PLCL1: variants seen among roughly 807,000 people sequenced by gnomAD.
PLCL1 encodes the protein phospholipase C like 1 (inactive).
Under a neutral mutation model 84.4 loss-of-function variants are expected in PLCL1, and 41 were observed. The ratio of observed to expected loss-of-function variants is 0.49; its 90% CI spans 0.38 to 0.63. The LOEUF (loss-of-function observed/expected upper bound fraction) is 0.63, where lower values mean the gene tolerates loss of function less well. Among genes scored for constraint, PLCL1 ranks in the 30% least tolerant of loss-of-function variants. The probability of loss-of-function intolerance (pLI) is 0.00; values close to 1 mark genes in which losing one functional copy is unlikely to be tolerated. For missense variants in PLCL1, 1,206 were observed against 1,367.8 expected (o/e 0.88, Z 1.87); for synonymous variants, 490 against 488.3 (o/e 1.00, Z -0.05).
intron 1 of PLCL1, among the ~76,000 whole-genome samples, chr2:197,936,237 A>G (rs1274817085): frequency 6.6e-6 from 1 of 151,528 alleles, no homozygotes; most frequent in African/African-American, 2.4e-5. Flanking sequence ...GAGTGCAGAT[A>G]TCTCTTCAGC....
Position 197,804,841 on chromosome 2 carries a change from T to C in PLCL1, c.-259T>C. 2.6e-6 allele frequency: 1 copy of C among 389,180 alleles called. No individual in the cohort carries two copies. Among genetic ancestry groups the C allele is most frequent in the Non-Finnish European group, 4.6e-6 (1 of 218,920 alleles). The allele number at this position is 389,180 out of a possible 1,614,324, so 24.1% of individuals were successfully genotyped here. A position where few individuals can be genotyped will look rare whatever the true frequency, so the allele number is the denominator to read the frequency against. The stretch of plus-strand genomic sequence containing the variant: ...CCTCTCCTTCTGCCTCCCGCTCACA[T>C]CGCCTCCCCACTCCCGCCACCGTCC... On this transcript the variant is annotated 5_prime_UTR_variant, in exon 1 of 6. Coordinates refer to ENST00000428675, the MANE Select transcript of PLCL1 (RefSeq NM_006226.4).
chr2:197,813,318 C>T (rs1055915256), intron 1 of PLCL1, among the ~76,000 whole-genome samples: 1 of 152,120 alleles, frequency 6.6e-6, no homozygotes, highest in Non-Finnish European at 1.5e-5. Context: ...CTTGAACTTG[C>T]AGTTTCTTAA....
At chr2:197,961,490 C>T (rs1689622447) in intron 1 of PLCL1, among the ~76,000 whole-genome samples, 1 of 151,616 alleles carries the variant, frequency 6.6e-6, no homozygotes, top group African/African-American at 2.4e-5. Context: ...ATTTATATAT[C>T]CCTTTTCCTT....
chr2:197,915,423 A>G (rs1000487048), intron 1 of PLCL1, among the ~76,000 whole-genome samples: 1 of 151,916 alleles, frequency 6.6e-6, no homozygotes, highest in Non-Finnish European at 1.5e-5. Context: ...AGTGTGAAAG[A>G]GAGGAAGAGT....
At chr2:197,897,160 TTC>T (rs1270525346) in intron 1 of PLCL1, among the ~76,000 whole-genome samples, 39 of 31,734 alleles carry the variant, frequency 1.2e-3, no homozygotes, top group African/African-American at 4.2e-3. Flanking sequence ...CTTCTTCTTC[TTC>T]TTCTTCTTCT....
At chr2:197,957,349 G>C (rs1327621035) in intron 1 of PLCL1, among the ~76,000 whole-genome samples, 5 of 152,066 alleles carry the variant, frequency 3.3e-5, no homozygotes, top group Admixed American at 3.3e-4. Flanking sequence ...CCTTTGGATA[G>C]TACCTTGCAG....
chr2:197,922,636 A>AG (rs1688727279), intron 1 of PLCL1, among the ~76,000 whole-genome samples: 1 of 135,770 alleles, frequency 7.4e-6, no homozygotes, highest in African/African-American at 2.8e-5. Flanking sequence ...CTGGCCGGGC[A>AG]GGGGGCTGAC....
intron 1 of PLCL1, among the ~76,000 whole-genome samples, chr2:198,012,855 A>G (rs1264311244): frequency 6.6e-6 from 1 of 151,986 alleles, no homozygotes; most frequent in African/African-American, 2.4e-5. Context: ...TACCTTACAT[A>G]TATTCTATAG....
chr2:198,062,111 C>G (rs1030306381), intron 1 of PLCL1, among the ~76,000 whole-genome samples: 2 of 152,174 alleles, frequency 1.3e-5, no homozygotes, highest in Non-Finnish European at 2.9e-5. Context: ...TGGTAAGATT[C>G]TGGAGCCTAA....
intron 3 of PLCL1, among the ~76,000 whole-genome samples, 200 bp from the exon 4 acceptor site, chr2:198,101,085 A>G (rs191189664): frequency 1.1e-3 from 173 of 152,224 alleles, no homozygotes; most frequent in Admixed American, 1.8e-3. Context: ...GAGAGTAATC[A>G]TAAGGAAGGT....
chr2:198,137,849 T>C (rs1006474585), intron 5 of PLCL1, among the ~76,000 whole-genome samples: 1 of 152,186 alleles, frequency 6.6e-6, no homozygotes, highest in African/African-American at 2.4e-5. Context: ...ATAGGTTCCG[T>C]AGGGGCAGGG....
chr2:198,141,839 C>T (rs1694395193), intron 5 of PLCL1, among the ~76,000 whole-genome samples: 1 of 152,170 alleles, frequency 6.6e-6, no homozygotes, highest in African/African-American at 2.4e-5. Flanking sequence ...CAAAAATACT[C>T]ACACGAGTTG....
intron 1 of PLCL1, among the ~76,000 whole-genome samples, chr2:198,029,103 C>A (rs1463213881): frequency 6.6e-6 from 1 of 152,164 alleles, no homozygotes; most frequent in African/African-American, 2.4e-5. Context: ...TGATCTTCAG[C>A]AGGTGTTCAA....
intron 3 of PLCL1, among the ~76,000 whole-genome samples, chr2:198,100,556 C>T (rs561562249): frequency 2.4e-4 from 37 of 152,134 alleles, no homozygotes; most frequent in African/African-American, 7.7e-4. Flanking sequence ...TCAACTGAGA[C>T]TTAGGGGAAC....
At position 197,904,197 on chromosome 2, in the gene PLCL1, T is replaced by C. The variant is rs144986737; in HGVS notation, c.240+98858T>C. 3.5e-3 allele frequency among the ~76,000 whole-genome samples: 527 copies of C among 152,288 alleles called. 4 individuals carry two copies. The highest frequency in any genetic ancestry group is 0.012 in the African/African-American group (489 of 41,558). ...AAAGAAGAATAAAACAAACATCTGG[T>C]GTGAACATCAGACAGTCAGTTTAGG... is the stretch of plus-strand genomic sequence containing the variant. On this transcript the variant is annotated intron_variant, in intron 1 of 5. Transcript: ENST00000428675.
intron 1 of PLCL1, among the ~76,000 whole-genome samples, chr2:197,875,749 T>A (rs1353816453): frequency 6.6e-6 from 1 of 152,044 alleles, no homozygotes; most frequent in African/African-American, 2.4e-5. Flanking sequence ...ACCGTAGAAC[T>A]GCTACCATTT....
intron 5 of PLCL1, among the ~76,000 whole-genome samples, chr2:198,127,773 C>T (rs993557044): frequency 6.6e-6 from 1 of 152,156 alleles, no homozygotes; most frequent in Admixed American, 6.5e-5. Context: ...GAAGCCATTT[C>T]TGATCATTGG....
At chr2:198,002,060 T>C in intron 1 of PLCL1, 1 of 370,032 alleles carries the variant, frequency 2.7e-6, no homozygotes, top group African/African-American at 2.1e-5. Flanking sequence ...ATAATAAAAA[T>C]AAAGGGCACA....
At chr2:198,119,956 C>G (rs771824106) in intron 5 of PLCL1, among the ~76,000 whole-genome samples, 14 of 151,964 alleles carry the variant, frequency 9.2e-5, no homozygotes, top group Non-Finnish European at 2.1e-4. Context: ...TCCTTAATAT[C>G]CACAGTCATG....
Sources: allele counts gnomAD v4.1 joint callset (sites outside exome capture counted in the v4.1 genomes callset), GRCh38; gene constraint gnomAD v4.1.1; transcripts MANE v1.5; gene names NCBI Gene and HGNC (gene_info 2026-07-23, HGNC 2026-07-21).